Variants in PIK3CD observed in about 807,000 individuals in gnomAD.
The protein encoded by PIK3CD is phosphatidylinositol-4,5-bisphosphate 3-kinase catalytic subunit delta, also known as phosphatidylinositol 4,5-bisphosphate 3-kinase catalytic subunit delta isoform.
A neutral mutation model predicts 122.9 loss-of-function variants in PIK3CD; 20 were observed. The observed-to-expected ratio is 0.16, with a 90% CI of 0.11 to 0.24. The LOEUF (loss-of-function observed/expected upper bound fraction) is 0.24, where lower values mean the gene tolerates loss of function less well. Ranked by LOEUF, PIK3CD falls within the 10% of genes least tolerant of loss-of-function variation. The probability of loss-of-function intolerance (pLI) is 1.00; values close to 1 mark genes in which losing one functional copy is unlikely to be tolerated. For synonymous variants in PIK3CD, 596 were observed against 593.4 expected, an observed-to-expected ratio of 1.00 and a Z score of -0.06; for missense variants, 787 against 1,406.3, an observed-to-expected ratio of 0.56 and a Z score of 7.04.
At chr1:9,725,760 C>G (rs2101023439) in intron 23 of PIK3CD, among the ~76,000 whole-genome samples, 1 of 150,518 alleles carries the variant, frequency 6.6e-6, no homozygotes, top group East Asian at 2.0e-4. Context: ...ACCTGTAATC[C>G]CAGCTACTCA....
Position 9,724,715 on chromosome 1 carries a change from T to G in PIK3CD, c.2865-89T>G. 6.5e-7 allele frequency: 1 copy of G among 1,546,796 alleles called. No individual in the cohort carries two copies. Among genetic ancestry groups the G allele is most frequent in the South Asian group, 1.1e-5 (1 of 89,450 alleles). On this transcript the variant is annotated intron_variant, in intron 22 of 23. Coordinates refer to ENST00000377346, the MANE Select transcript of PIK3CD (RefSeq NM_005026.5). This position sits in a 1 kb window ranked among gnomAD's most constrained non-coding sequence, Gnocchi z 7.3. ...TTATCAGGGCAAGGGCAGGTGTCCT[T>G]GGGGAAGGGGCTGGTTGGATGCAGA... is the stretch of plus-strand genomic sequence containing the variant.
At chr1:9,634,532 C>T in the PIK3CD span, among the ~76,000 whole-genome samples, 13 of 152,154 alleles carry the variant, frequency 8.5e-5, no homozygotes, top group Admixed American at 5.9e-4. Flanking sequence ...CTCCTGAGTT[C>T]AAGTGATCTG....
At chr1:9,655,324 T>G (rs1352449184) in intron 1 of PIK3CD, among the ~76,000 whole-genome samples, 2 of 152,106 alleles carry the variant, frequency 1.3e-5, no homozygotes, top group African/African-American at 4.8e-5. Context: ...ACGCCACCTC[T>G]CTCCCTACAG....
At chr1:9,659,679 A>ACCTCCACC (rs1644956531) in intron 1 of PIK3CD, among the ~76,000 whole-genome samples, 1 of 152,148 alleles carries the variant, frequency 6.6e-6, no homozygotes, top group Non-Finnish European at 1.5e-5. Flanking sequence ...TTGAAGCTTA[A>ACCTCCACC]TCCGTGTGGG....
Position 9,717,507 on chromosome 1 carries a change from T to G in PIK3CD, c.931-30T>G. 1.9e-6 allele frequency: 3 copies of G among 1,606,064 alleles called. No homozygotes were observed. Among genetic ancestry groups the G allele is most frequent in the Non-Finnish European group, 2.6e-6 (3 of 1,173,000 alleles). On this transcript the variant is annotated intron_variant, in intron 7 of 23. Transcript: ENST00000377346. This position sits in a 1 kb window ranked among gnomAD's most constrained non-coding sequence, Gnocchi z 5.4. Reference sequence around the variant, plus strand: ...GGGAGACAAGCTGCACTTTGAGCCGTGTTAACAGCCCTGCTTCCCCGGCCC... The same window carrying G: ...GGGAGACAAGCTGCACTTTGAGCCGGGTTAACAGCCCTGCTTCCCCGGCCC...
At position 9,718,879 on chromosome 1, in the gene PIK3CD, G is replaced by A; in HGVS notation, c.1206G>A (p.Lys402=). ...TGTACGCCGTGATCGAGAAAGCCAA[G>A]AAGGCTCGCTCCACCAAGAAGAAGT... The part of the protein sequence containing the change: ...FALYAVIEKA[K]KARSTKKKSK... Residue 402 remains lysine (K), a synonymous_variant, in exon 9 of 24, where the codon AAG becomes AAA. Transcript: ENST00000377346. The surrounding 1 kb of genome is among the most constrained non-coding windows in gnomAD (Gnocchi z 7.2). 6.2e-7 allele frequency: 1 copy of A among 1,613,126 alleles called. No individual in the cohort carries two copies. Among genetic ancestry groups the A allele is most frequent in the Non-Finnish European group, 8.5e-7 (1 of 1,180,012 alleles).
the PIK3CD span, among the ~76,000 whole-genome samples, chr1:9,644,516 C>CAAATAAATAAATAAAT: frequency 4.8e-5 from 7 of 145,460 alleles, no homozygotes; most frequent in African/African-American, 7.7e-5. Flanking sequence ...GACTCCGTCT[C>CAAATAAATAAATAAAT]AAATAAATAA....
At chr1:9,630,287 C>T in the PIK3CD span, among the ~76,000 whole-genome samples, 14 of 152,258 alleles carry the variant, frequency 9.2e-5, no homozygotes, top group Non-Finnish European at 4.4e-5. Flanking sequence ...TGCAGGGTCA[C>T]TCGGTGTCAG....
chr1:9,722,823 T>G lies in PIK3CD; in HGVS notation c.2426+217T>G, dbSNP rs967321268. On this transcript the variant is annotated intron_variant, in intron 19 of 23. Coordinates refer to ENST00000377346, the MANE Select transcript of PIK3CD (RefSeq NM_005026.5). This position sits in a 1 kb window ranked among gnomAD's most constrained non-coding sequence, Gnocchi z 7.6. ...AGGCTTAGTGTGTACCCTGCTCTGT[T>G]GCTTTAGTTGCCCAGGTGCCCCTGG... Among the ~76,000 whole-genome samples the G allele has an allele frequency of 6.6e-6, 1 of 152,160 alleles. No individual in the cohort carries two copies. Among genetic ancestry groups the G allele is most frequent in the African/African-American group, 2.4e-5 (1 of 41,434 alleles).
the PIK3CD span, among the ~76,000 whole-genome samples, chr1:9,642,728 A>T: frequency 7.3e-5 from 11 of 151,430 alleles, no homozygotes; most frequent in South Asian, 2.1e-4. Flanking sequence ...AAAAAAAAAA[A>T]AAAAAACTTG....
intron 1 of PIK3CD, chr1:9,653,890 G>T (rs755164389): frequency 7.3e-7 from 1 of 1,367,332 alleles, no homozygotes; most frequent in Non-Finnish European, 9.8e-7. Flanking sequence ...AGACACTGGA[G>T]TGGGCTGGAG....
chr1:9,715,456 G>A lies in PIK3CD; in HGVS notation c.142-85G>A. On this transcript the variant is annotated intron_variant, in intron 3 of 23. Coordinates refer to ENST00000377346, the MANE Select transcript of PIK3CD (RefSeq NM_005026.5). This position sits in a 1 kb window ranked among gnomAD's most constrained non-coding sequence, Gnocchi z 4.1. ...CTGGGAGGTTTGGACCCCCAGGCTG[G>A]AGGCCAGCTCTCCACCCTCCCTCAG... The A allele has an allele frequency of 1.6e-6, 2 of 1,218,834 alleles. No individual in the cohort carries two copies. Among genetic ancestry groups the A allele is most frequent in the Non-Finnish European group, 2.4e-6 (2 of 840,048 alleles). The allele number at this position is 1,218,834 out of a possible 1,614,324, so 75.5% of individuals were successfully genotyped here. A position where few individuals can be genotyped will look rare whatever the true frequency, so the allele number is the denominator to read the frequency against.
At chr1:9,643,191 C>T in the PIK3CD span, among the ~76,000 whole-genome samples, 9 of 151,100 alleles carry the variant, frequency 6.0e-5, no homozygotes, top group South Asian at 2.1e-4. Context: ...GGTGGATCAC[C>T]GGAGGTCGGG....
chr1:9,631,440 A>G, the PIK3CD span, among the ~76,000 whole-genome samples: 1 of 152,270 alleles, frequency 6.6e-6, no homozygotes, highest in Non-Finnish European at 1.5e-5. Context: ...AGATCACTTG[A>G]GGCCAGGAGT....
At chr1:9,699,360 C>G (rs1042450434) in intron 2 of PIK3CD, among the ~76,000 whole-genome samples, 2 of 152,194 alleles carry the variant, frequency 1.3e-5, no homozygotes, top group Admixed American at 6.6e-5. Context: ...TACTTCCATT[C>G]TGGCCTCGCC....
chr1:9,639,204 A>C, the PIK3CD span, among the ~76,000 whole-genome samples: 1 of 152,110 alleles, frequency 6.6e-6, no homozygotes, highest in Non-Finnish European at 1.5e-5. Context: ...GTCCTGGGAA[A>C]AAGTAACCAT....
chr1:9,635,017 C>T, the PIK3CD span, among the ~76,000 whole-genome samples: 3 of 152,104 alleles, frequency 2.0e-5, no homozygotes, highest in South Asian at 4.1e-4. Flanking sequence ...TTACACCAGA[C>T]GAGGTGGCTC....
intron 1 of PIK3CD, among the ~76,000 whole-genome samples, chr1:9,665,615 A>T (rs961582994): frequency 6.6e-6 from 1 of 151,710 alleles, no homozygotes; most frequent in African/African-American, 2.4e-5. Context: ...GGGGATTTAC[A>T]CGCTTCCTGG....
At chr1:9,658,520 C>CTTTTTTT (rs1557593016) in intron 1 of PIK3CD, among the ~76,000 whole-genome samples, 2 of 106,650 alleles carry the variant, frequency 1.9e-5, no homozygotes, top group African/African-American at 8.9e-5. Flanking sequence ...TTCCCAGCCA[C>CTTTTTTT]ATTTTTTTTT....
Sources: allele counts gnomAD v4.1 joint callset (sites outside exome capture counted in the v4.1 genomes callset), GRCh38; gene constraint gnomAD v4.1.1; non-coding constraint Gnocchi (gnomAD v3.1); transcripts MANE v1.5; gene names NCBI Gene and HGNC (gene_info 2026-07-23, HGNC 2026-07-21).